Variants in AUTS2 observed in about 807,000 individuals in gnomAD.
AUTS2 encodes activator of transcription and developmental regulator AUTS2.
AUTS2 carries 17 observed loss-of-function variants against 112.4 expected under a neutral mutation model. That is an observed-to-expected ratio of 0.15 (90% CI 0.10 to 0.23). The LOEUF (loss-of-function observed/expected upper bound fraction) is 0.23. Ranked by LOEUF, AUTS2 falls within the 10% of genes least tolerant of loss-of-function variation. AUTS2 has a pLI of 1.00. For synonymous variants in AUTS2, 751 were observed against 702.7 expected, an observed-to-expected ratio of 1.07 and a Z score of -1.09; for missense variants, 1,510 against 1,701.6, an observed-to-expected ratio of 0.89 and a Z score of 1.98.
Position 70,790,087 on chromosome 7 carries a change from C to G in AUTS2, c.2871C>G (p.Thr957=). Reference sequence around the variant, plus strand: ...TGGAGAGTGCCAGGCCCAACAGCACCTCGAGCCGGGAGGCCGAGCCGCGCA... The same window carrying G: ...TGGAGAGTGCCAGGCCCAACAGCACGTCGAGCCGGGAGGCCGAGCCGCGCA... ...PVVESARPNS[T]SSREAEPRKG... is the part of the protein sequence containing the mutation. The change falls in exon 19 of 19, where the codon ACC becomes ACG. Residue 957 remains threonine (T), a synonymous_variant. Coordinates refer to ENST00000342771, the MANE Select transcript of AUTS2 (RefSeq NM_015570.4). This position sits in a 1 kb window ranked among gnomAD's most constrained non-coding sequence, Gnocchi z 7.6. The G allele has an allele frequency of 6.3e-7, 1 of 1,578,178 alleles. No homozygotes were observed. The highest frequency in any genetic ancestry group is 1.2e-5 in the South Asian group (1 of 86,848).
chr7:69,922,258 A>G (rs764504067), intron 2 of AUTS2, among the ~76,000 whole-genome samples: 1 of 152,172 alleles, frequency 6.6e-6, no homozygotes, highest in East Asian at 1.9e-4. Context: ...CTTACTACCA[A>G]CTAGCGCTGT....
At chr7:70,402,487 G>A (rs186383488) in intron 4 of AUTS2, among the ~76,000 whole-genome samples, 3 of 152,136 alleles carry the variant, frequency 2.0e-5, no homozygotes, top group Non-Finnish European at 4.4e-5. Flanking sequence ...GGAAGCTATC[G>A]CATTTTCTTA....
chr7:70,751,141 C>A (rs1328538044), intron 6 of AUTS2, among the ~76,000 whole-genome samples: 1 of 152,164 alleles, frequency 6.6e-6, no homozygotes, highest in African/African-American at 2.4e-5. Flanking sequence ...CGTTGCAACA[C>A]AGAATGTGTG....
intron 5 of AUTS2, among the ~76,000 whole-genome samples, chr7:70,515,601 G>T (rs1799383293): frequency 6.6e-6 from 1 of 152,086 alleles, no homozygotes; most frequent in African/African-American, 2.4e-5. Flanking sequence ...ACGAGACCCA[G>T]GGGGACATTC....
intron 5 of AUTS2, among the ~76,000 whole-genome samples, chr7:70,566,370 C>T (rs1385964407): frequency 1.3e-5 from 2 of 152,184 alleles, no homozygotes; most frequent in African/African-American, 4.8e-5. Context: ...CTACTGGGAA[C>T]TTATTTCCTT....
rs1797643341 is a variant in AUTS2 at position 69,966,571 on chromosome 7, TTATTTTG to T, written c.522+67079_522+67085del. Among the ~76,000 whole-genome samples, 3 of 152,180 alleles carry T rather than the reference TTATTTTG, an allele frequency of 2.0e-5. No individual in the cohort carries two copies. In the South Asian group the frequency reaches 6.2e-4, roughly 32 times the overall value. ...ACTTTTGATTCCAAATGGGTCTTAA[TTATTTTG>T]TATTTGGGAAATATTTTTTACTTGG... On this transcript the variant is annotated intron_variant, in intron 2 of 18. Coordinates refer to ENST00000342771, the MANE Select transcript of AUTS2 (RefSeq NM_015570.4).
At chr7:69,719,169 G>T (rs889942402) in intron 1 of AUTS2, among the ~76,000 whole-genome samples, 1 of 152,146 alleles carries the variant, frequency 6.6e-6, no homozygotes, top group Non-Finnish European at 1.5e-5. Context: ...TGGGTTTGTA[G>T]AACCTATTGG....
At chr7:69,659,583 GTTTTTTTT>G (rs58289887) in intron 1 of AUTS2, among the ~76,000 whole-genome samples, 1 of 81,268 alleles carries the variant, frequency 1.2e-5, no homozygotes, top group African/African-American at 4.9e-5. Flanking sequence ...AGGCTTAGTT[GTTTTTTTT>G]TTTTTTTTTT....
intron 2 of AUTS2, among the ~76,000 whole-genome samples, chr7:70,074,297 T>C (rs1802923092): frequency 6.6e-6 from 1 of 152,216 alleles, no homozygotes; most frequent in Non-Finnish European, 1.5e-5. Context: ...AACTTTTCGA[T>C]ATCTGTAAGT....
chr7:70,101,079 T>C (rs553942761), intron 2 of AUTS2, among the ~76,000 whole-genome samples: 1 of 152,082 alleles, frequency 6.6e-6, no homozygotes, highest in Non-Finnish European at 1.5e-5. Flanking sequence ...GGTTTCACCA[T>C]GTTGGCCAGG....
At chr7:70,666,446 G>T (rs550955659) in intron 5 of AUTS2, among the ~76,000 whole-genome samples, 1 of 152,326 alleles carries the variant, frequency 6.6e-6, no homozygotes, top group Admixed American at 6.5e-5. Flanking sequence ...GACAGACAGA[G>T]ATTTGGGTGT....
At chr7:69,765,862 G>C (rs560652749) in intron 1 of AUTS2, among the ~76,000 whole-genome samples, 5 of 152,126 alleles carry the variant, frequency 3.3e-5, no homozygotes, top group Non-Finnish European at 7.4e-5. Flanking sequence ...CAGGAGGATC[G>C]CTTGAGCCCA....
intron 4 of AUTS2, among the ~76,000 whole-genome samples, chr7:70,163,726 A>T (rs989800084): frequency 6.6e-6 from 1 of 152,118 alleles, no homozygotes; most frequent in Non-Finnish European, 1.5e-5. Flanking sequence ...CCACCAATAC[A>T]AGGCAAAACT....
intron 1 of AUTS2, among the ~76,000 whole-genome samples, chr7:69,895,058 G>GGA (rs1276073079): frequency 6.6e-6 from 1 of 152,126 alleles, no homozygotes; most frequent in East Asian, 1.9e-4. Flanking sequence ...GTTTCCTTAA[G>GGA]GAAGTTCTTA....
chr7:70,029,806 G>T (rs151079633), intron 2 of AUTS2, among the ~76,000 whole-genome samples: 133 of 152,234 alleles, frequency 8.7e-4, no homozygotes, highest in African/African-American at 3.0e-3. Context: ...ATCTGTGTTG[G>T]ATCTGTTTAC....
At chr7:70,279,176 A>C (rs1160983308) in intron 4 of AUTS2, among the ~76,000 whole-genome samples, 1 of 152,186 alleles carries the variant, frequency 6.6e-6, no homozygotes, top group Non-Finnish European at 1.5e-5. Flanking sequence ...GAAATCGGAA[A>C]GTTTCTGCCT....
At chr7:69,901,128 G>T (rs1794953746) in intron 2 of AUTS2, among the ~76,000 whole-genome samples, 1 of 152,034 alleles carries the variant, frequency 6.6e-6, no homozygotes, top group Non-Finnish European at 1.5e-5. Flanking sequence ...TTTTTTTCTT[G>T]ATAGGGAGTT....
chr7:70,305,332 A>G (rs772917355), intron 4 of AUTS2, among the ~76,000 whole-genome samples: 2 of 152,166 alleles, frequency 1.3e-5, no homozygotes, highest in Non-Finnish European at 2.9e-5. Flanking sequence ...ATATGAAGGT[A>G]CCCACTGAAA....
chr7:69,948,743 A>G (rs1796911332), intron 2 of AUTS2, among the ~76,000 whole-genome samples: 1 of 152,008 alleles, frequency 6.6e-6, no homozygotes, highest in African/African-American at 2.4e-5. Flanking sequence ...TGTTAATAGC[A>G]TTTGAAAAGG....
Sources: gnomAD v4.1 joint callset for allele counts (sites outside exome capture counted in the v4.1 genomes callset) on GRCh38, gnomAD v4.1.1 for gene constraint, Gnocchi (gnomAD v3.1) non-coding constraint, MANE v1.5 for transcripts, NCBI Gene and HGNC (gene_info 2026-07-23, HGNC 2026-07-21) for gene names.